NUMB: variants seen among roughly 807,000 people sequenced by gnomAD.
NUMB encodes the protein protein numb homolog.
Under a neutral mutation model 59.7 loss-of-function variants are expected in NUMB, and 29 were observed. The ratio of observed to expected loss-of-function variants is 0.49; its 90% CI spans 0.36 to 0.66. NUMB has a LOEUF of 0.66. Ranked by LOEUF, NUMB falls within the 30% of genes least tolerant of loss-of-function variation. The pLI is 0.00. For missense variants in NUMB, 723 were observed against 822.0 expected, an observed-to-expected ratio of 0.88 and a Z score of 1.47; for synonymous variants, 288 against 288.2, an observed-to-expected ratio of 1.00 and a Z score of 0.01.
intron 3 of NUMB, 71 bp from the exon 4 acceptor site, chr14:73,355,837 T>A: frequency 8.3e-7 from 1 of 1,210,818 alleles, no homozygotes; most frequent in African/African-American, 1.6e-5. Flanking sequence ...TGGATTACCA[T>A]ACTAACCAAA....
At chr14:73,379,435 G>A (rs960154183) in intron 2 of NUMB, among the ~76,000 whole-genome samples, 10 of 152,030 alleles carry the variant, frequency 6.6e-5, no homozygotes, top group African/African-American at 1.5e-4. Flanking sequence ...CTACCCTCAC[G>A]GTAGTTGCAC....
chr14:73,445,354 C>CAAA lies in NUMB; in HGVS notation c.-233+13136_-233+13138dup, dbSNP rs752154048. 3.7e-3 allele frequency among the ~76,000 whole-genome samples: 212 copies of CAAA among 57,540 alleles called. 22 individuals are homozygous for CAAA. Among genetic ancestry groups the CAAA allele is most frequent in the Middle Eastern group, 0.018 (1 of 56 alleles). 37.7% of individuals were successfully genotyped at this position (57,540 alleles called of 152,430 possible). On this transcript the variant is annotated intron_variant, in intron 1 of 12. Coordinates refer to ENST00000555238, the MANE Select transcript of NUMB (RefSeq NM_001005743.2). The stretch of plus-strand genomic sequence containing the variant: ...TGAGTGACAAAGTGAGACCCTGTCT[C>CAAA]AAAAAAAAAAAAAAAAAAAAAAAAA...
intron 1 of NUMB, among the ~76,000 whole-genome samples, chr14:73,419,832 G>A (rs1034172595): frequency 1.1e-4 from 17 of 152,150 alleles, no homozygotes. Flanking sequence ...AGGAATGGGA[G>A]TACTTAAGGG....
chr14:73,288,272 G>A lies in NUMB; in HGVS notation c.451-958C>T, dbSNP rs570691199. On this transcript the variant is annotated intron_variant, in intron 8 of 12. Transcript: ENST00000555238. ...CTACCAAAATAATAAAAAAAATTAG[G>A]CCAGGTGCGATGGCTCACACCTGTA... 3.4e-4 allele frequency among the ~76,000 whole-genome samples: 51 copies of A among 152,134 alleles called. 1 individual carries two copies. Among genetic ancestry groups the A allele is most frequent in the Admixed American group, 2.4e-3 (37 of 15,258 alleles).
chr14:73,421,236 G>A (rs1441336465), intron 1 of NUMB, among the ~76,000 whole-genome samples: 12 of 152,040 alleles, frequency 7.9e-5, no homozygotes, highest in African/African-American at 2.2e-4. Flanking sequence ...CCAGGCTGGA[G>A]TGCAGTGGTG....
At position 73,398,392 on chromosome 14, in the gene NUMB, C is replaced by CAGAGAGAG. The variant is rs1171734636; in HGVS notation, c.-101+11537_-101+11544dup. On this transcript the variant is annotated intron_variant, in intron 2 of 12. Transcript: ENST00000555238. ...TTTGTATATGAGAGAGAGACACACACAGAGAGAGAGAGAGAGAGAGAGAGT... is the reference window on the plus strand; with the variant it reads ...TTTGTATATGAGAGAGAGACACACACAGAGAGAGAGAGAGAGAGAGAGAGAGAGAGAGT... Among the ~76,000 whole-genome samples the CAGAGAGAG allele has an allele frequency of 3.6e-3, 475 of 133,772 alleles. 2 individuals carry two copies. The highest frequency in any genetic ancestry group is 0.013 in the African/African-American group (457 of 34,834). 87.8% of individuals were successfully genotyped at this position (133,772 alleles called of 152,430 possible).
chr14:73,344,717 TC>T (rs1162906008), intron 4 of NUMB, among the ~76,000 whole-genome samples: 4 of 152,296 alleles, frequency 2.6e-5, no homozygotes, highest in East Asian at 3.9e-4. Context: ...TAAGTATGAA[TC>T]CTACATTCAG....
chr14:73,406,092 G>GTTT (rs551368866), intron 2 of NUMB, among the ~76,000 whole-genome samples: 56 of 107,500 alleles, frequency 5.2e-4, no homozygotes, highest in African/African-American at 1.6e-3. Context: ...ACATATTTTT[G>GTTT]TTTTTTTTTT....
chr14:73,351,084 G>C (rs753405310), intron 4 of NUMB, among the ~76,000 whole-genome samples: 1 of 152,172 alleles, frequency 6.6e-6, no homozygotes, highest in African/African-American at 2.4e-5. Flanking sequence ...TTGGGTGACA[G>C]GTACACTAAA....
intron 4 of NUMB, among the ~76,000 whole-genome samples, chr14:73,333,445 TG>T (rs1157567516): frequency 2.6e-5 from 4 of 152,192 alleles, no homozygotes; most frequent in South Asian, 2.1e-4. Context: ...TTGCCCAGGC[TG>T]ATCTCGAACT....
intron 4 of NUMB, among the ~76,000 whole-genome samples, chr14:73,343,741 T>C (rs2139984096): frequency 1.0e-5 from 1 of 100,078 alleles, no homozygotes; most frequent in Middle Eastern, 4.8e-3. Flanking sequence ...TTTGTTAATA[T>C]TTTATCAAGA....
At chr14:73,414,539 C>T (rs1403833519) in intron 1 of NUMB, among the ~76,000 whole-genome samples, 2 of 151,980 alleles carry the variant, frequency 1.3e-5, no homozygotes, top group Non-Finnish European at 2.9e-5. Context: ...ACTACAGGTG[C>T]AAGCCAGCAA....
intron 4 of NUMB, among the ~76,000 whole-genome samples, chr14:73,326,558 C>T (rs868159095): frequency 8.0e-5 from 12 of 150,942 alleles, no homozygotes; most frequent in African/African-American, 2.9e-4. Flanking sequence ...ACCTGGCAGG[C>T]AGAGATTGCA....
intron 2 of NUMB, among the ~76,000 whole-genome samples, chr14:73,408,586 G>T (rs1896779018): frequency 6.6e-6 from 1 of 152,048 alleles, no homozygotes; most frequent in Non-Finnish European, 1.5e-5. Flanking sequence ...TGACACAAAA[G>T]AAAATTCCAG....
intron 1 of NUMB, among the ~76,000 whole-genome samples, chr14:73,454,308 T>C (rs1884202074): frequency 6.6e-6 from 1 of 152,154 alleles, no homozygotes; most frequent in Non-Finnish European, 1.5e-5. Flanking sequence ...ACACAACAGA[T>C]GTGTTTTGGC....
chr14:73,394,919 A>G (rs1451125504), intron 2 of NUMB, among the ~76,000 whole-genome samples: 1 of 152,170 alleles, frequency 6.6e-6, no homozygotes, highest in African/African-American at 2.4e-5. Context: ...TTGTTTTTTA[A>G]TAAAGCCACA....
chr14:73,415,246 A>G (rs1163250300), intron 1 of NUMB, among the ~76,000 whole-genome samples: 1 of 152,214 alleles, frequency 6.6e-6, no homozygotes, highest in Admixed American at 6.5e-5. Context: ...GGAGAGCTAA[A>G]TACCAACAAA....
At chr14:73,414,146 G>A (rs1009083362) in intron 1 of NUMB, among the ~76,000 whole-genome samples, 4 of 151,718 alleles carry the variant, frequency 2.6e-5, no homozygotes, top group South Asian at 2.1e-4. Flanking sequence ...TAGTAGAGAC[G>A]GGGTTTCACC....
At chr14:73,350,042 C>CACATACATACATACATATAT (rs1016482463) in intron 4 of NUMB, among the ~76,000 whole-genome samples, 1 of 145,628 alleles carries the variant, frequency 6.9e-6, no homozygotes, top group East Asian at 1.9e-4. Flanking sequence ...GGCTCTGTCT[C>CACATACATACATACATATAT]ACATACATAC....
Sources: allele counts gnomAD v4.1 joint callset (sites outside exome capture counted in the v4.1 genomes callset), GRCh38; gene constraint gnomAD v4.1.1; transcripts MANE v1.5; gene names NCBI Gene and HGNC (gene_info 2026-07-23, HGNC 2026-07-21).